The following POLR1A variants were observed in gnomAD, a reference collection of about 807,000 sequenced individuals.
POLR1A encodes the protein DNA-directed RNA polymerase I subunit RPA1.
A neutral mutation model predicts 205.3 loss-of-function variants in POLR1A; 84 were observed. That is an observed-to-expected ratio of 0.41 (90% CI 0.34 to 0.49). POLR1A has a LOEUF of 0.49. POLR1A is among the 20% of genes least tolerant of loss of function. The probability of loss-of-function intolerance (pLI) is 0.22; values close to 1 mark genes in which losing one functional copy is unlikely to be tolerated. For synonymous variants in POLR1A, 799 were observed against 863.7 expected (o/e 0.93, Z 1.31); for missense variants, 1,645 against 2,204.5 (o/e 0.75, Z 5.08).
rs1482253290 is a variant in POLR1A at position 86,088,649 on chromosome 2, C to A, written c.647G>T (p.Arg216Leu). ...PHCKTGRSVVRKEHNSKLTIT... is the reference protein window; with the variant it reads ...PHCKTGRSVVLKEHNSKLTIT... The stretch of plus-strand genomic sequence containing the variant: ...AGTCAACTTGCTGTTGTGTTCCTTT[C>A]GGACAACGGATCGCCCGGTCCTGTG... Residue 216 changes from arginine to leucine, a missense_variant, in exon 6 of 34, where the codon CGA becomes CTA. Around this residue, in one of 16 missense-constraint regions of POLR1A, gnomAD observed 330 missense variants for 375.6 expected, o/e 0.88. Coordinates refer to ENST00000263857, the MANE Select transcript of POLR1A (RefSeq NM_015425.6). 2 of 1,613,786 alleles carry A rather than the reference C, an allele frequency of 1.2e-6. No homozygotes were observed. The highest frequency in any genetic ancestry group is 2.7e-5 in the African/African-American group (2 of 74,914).
intron 6 of POLR1A, among the ~76,000 whole-genome samples, chr2:86,087,006 T>C (rs1397168098): frequency 1.3e-5 from 2 of 152,200 alleles, no homozygotes; most frequent in African/African-American, 4.8e-5. Context: ...TGTGGTATCC[T>C]GGGTTGGATC....
At chr2:86,082,946 C>T in intron 7 of POLR1A, 136 bp downstream of exon 7, 1 of 657,876 alleles carries the variant, frequency 1.5e-6, no homozygotes, top group Non-Finnish European at 2.7e-6. Context: ...CTGAAGACTG[C>T]CCCAAACCTC....
chr2:86,043,218 A>G, intron 22 of POLR1A, 23 bp from the exon 23 acceptor site: 1 of 1,572,582 alleles, frequency 6.4e-7, no homozygotes, highest in Non-Finnish European at 8.7e-7. Context: ...ACAAAAAAAC[A>G]AACAAACAAA....
Position 86,030,843 on chromosome 2 carries a change from C to T in POLR1A, c.4579-447G>A, listed in dbSNP as rs534852337. Among the ~76,000 whole-genome samples the T allele has an allele frequency of 1.3e-5, 2 of 152,192 alleles. 1 individual carries two copies. Among genetic ancestry groups the T allele is most frequent in the South Asian group, 4.1e-4 (2 of 4,836 alleles). ...CCAGATCATCCAGGCTTTAAGGGAA[C>T]CATGAAATCCCTAAAAAGATGGTGG... On this transcript the variant is annotated intron_variant, in intron 30 of 33. Transcript: ENST00000263857.
In POLR1A at chr2:86,028,643, G is replaced by A. The variant is rs181416565; in HGVS notation, c.4848C>T (p.Ala1616=). 3,543 of 1,614,182 alleles carry A rather than the reference G, an allele frequency of 2.2e-3. 109 individuals are homozygous for A. In the Admixed American group the frequency reaches 0.049, roughly 22 times the overall value. ...HAIANTYGIE[A]ALRVIEKEIK... Reference sequence around the variant, plus strand: ...TCTCCTTCTCGATCACCCGCAGCGCGGCCTCAATGCCATACGTGTTGGCTA... The same window carrying A: ...TCTCCTTCTCGATCACCCGCAGCGCAGCCTCAATGCCATACGTGTTGGCTA... The change falls in exon 32 of 34, where the codon GCC becomes GCT. Residue 1616 remains alanine (A), a synonymous_variant. Coordinates refer to ENST00000263857, the MANE Select transcript of POLR1A (RefSeq NM_015425.6). The surrounding 1 kb of genome is among the most constrained non-coding windows in gnomAD (Gnocchi z 4.5).
rs780731655 is a variant in POLR1A, at chr2:86,070,234, C to T, written c.1650G>A (p.Leu550=). 8 of 1,613,460 alleles carry T rather than the reference C, an allele frequency of 5.0e-6. No individual in the cohort carries two copies. The highest frequency in any genetic ancestry group is 5.9e-6 in the Non-Finnish European group (7 of 1,179,434). Residue 550 remains leucine, a synonymous_variant, in exon 13 of 34, where the codon CTG becomes CTA. Coordinates refer to ENST00000263857, the MANE Select transcript of POLR1A (RefSeq NM_015425.6). This position sits in a 1 kb window ranked among gnomAD's most constrained non-coding sequence, Gnocchi z 4.4. ...GTCTGTGCAGTGTGGGCTGTCGGTT[C>T]AGTAGCAGAATGTCCCCATTCTTCA... ...RHVKNGDILL[L]NRQPTLHRPS... is the part of the protein sequence containing the mutation.
intron 10 of POLR1A, 32 bp downstream of exon 10, chr2:86,078,082 A>G: frequency 1.2e-6 from 2 of 1,612,702 alleles, no homozygotes; most frequent in Non-Finnish European, 1.7e-6. Flanking sequence ...TATCTTCTGT[A>G]GCTAGCAATG....
At position 86,027,829 on chromosome 2, in the gene POLR1A, C is replaced by T. The variant is rs891410337; in HGVS notation, c.5062+56G>A. On this transcript the variant is annotated intron_variant, in intron 33 of 33. Coordinates refer to ENST00000263857, the MANE Select transcript of POLR1A (RefSeq NM_015425.6). ...ATGGAAAGATGCCCATGGGTGAGCC[C>T]GTGTGCCCAGAGTCGTCAGTAGAGG... The T allele has an allele frequency of 1.1e-5, 18 of 1,581,176 alleles. 1 individual carries two copies. Among genetic ancestry groups the T allele is most frequent in the Middle Eastern group, 1.8e-4 (1 of 5,502 alleles).
At chr2:86,067,411 G>A (rs1673100355) in intron 13 of POLR1A, among the ~76,000 whole-genome samples, 7 of 152,060 alleles carry the variant, frequency 4.6e-5, no homozygotes. Flanking sequence ...TTTCCACAAA[G>A]TATGGGCCCT....
In POLR1A at chr2:86,078,106, T is replaced by C; in HGVS notation, c.1257+8A>G. ...TAGCTAGCAATGGGAATCCAGTTTT[T>C]TGCTCACCTGCCTAATGCCTGGGTA... On this transcript the variant is annotated splice_region_variant and intron_variant, in intron 10 of 33. Transcript: ENST00000263857. 6.2e-7 allele frequency: 1 copy of C among 1,613,132 alleles called. No homozygotes were observed. The highest frequency in any genetic ancestry group is 2.2e-5 in the East Asian group (1 of 44,888).
chr2:86,076,944 G>A (rs1673296228), intron 11 of POLR1A, among the ~76,000 whole-genome samples: 1 of 152,204 alleles, frequency 6.6e-6, no homozygotes, highest in African/African-American at 2.4e-5. Context: ...CAAGGACTAT[G>A]GTTCCCAAGA....
chr2:86,071,273 G>C (rs1021700649), intron 12 of POLR1A, among the ~76,000 whole-genome samples: 15 of 150,732 alleles, frequency 1.0e-4, no homozygotes, highest in Non-Finnish European at 1.8e-4. Context: ...TATGGGAAAG[G>C]GGTGGTTGGA....
intron 13 of POLR1A, among the ~76,000 whole-genome samples, chr2:86,066,392 T>C (rs1034060288): frequency 4.6e-5 from 7 of 152,222 alleles, no homozygotes; most frequent in Admixed American, 1.3e-4. Context: ...TTAATTTCAT[T>C]TGACACTTTC....
intron 13 of POLR1A, chr2:86,065,699 A>C (rs1375153249): frequency 2.0e-6 from 1 of 510,330 alleles, no homozygotes; most frequent in East Asian, 3.3e-5. Flanking sequence ...TCCTATATCA[A>C]GACTGCTTCA....
chr2:86,042,906 C>A, intron 23 of POLR1A, 68 bp downstream of exon 23: 1 of 1,126,002 alleles, frequency 8.9e-7, no homozygotes. Flanking sequence ...GAAAACAGCC[C>A]CTCATCCCTC....
chr2:86,077,888 T>A lies in POLR1A; in HGVS notation c.1351A>T (p.Ile451Phe), dbSNP rs780550096. 3 of 1,613,470 alleles carry A rather than the reference T, an allele frequency of 1.9e-6. No homozygotes were observed. The Admixed American group carries it at 5.0e-5, about 27-fold the overall frequency. ...GGAATTCCAATTTCGTTGGTGTTGA[T>A]GTACATGTCTGGGCAGATGACTGAG... ...ARSVICPDMYINTNEIGIPMV... is the reference protein window; with the variant it reads ...ARSVICPDMYFNTNEIGIPMV... The change falls in exon 11 of 34, where the codon ATC (isoleucine) becomes TTC (phenylalanine). Residue 451 changes from isoleucine (I) to phenylalanine (F), a missense_variant. Transcript: ENST00000263857.
intron 13 of POLR1A, among the ~76,000 whole-genome samples, chr2:86,066,850 T>C (rs150245662): frequency 1.5e-4 from 23 of 152,362 alleles, no homozygotes; most frequent in African/African-American, 5.3e-4. Context: ...GCCCCTCTTA[T>C]GAAGGCTTTC....
chr2:86,077,362 A>C (rs1337539271), intron 11 of POLR1A, among the ~76,000 whole-genome samples: 1 of 152,162 alleles, frequency 6.6e-6, no homozygotes, highest in African/African-American at 2.4e-5. Context: ...GGACCTGGGC[A>C]ACATGCACAC....
Position 86,077,125 on chromosome 2 carries a change from G to A in POLR1A, c.1380+734C>T, listed in dbSNP as rs545142151. ...CAGTCCCCAGAGAGGGGTGGAGGGG[G>A]TGGCGTGCAAGGAAATGAGGCTCTC... On this transcript the variant is annotated intron_variant, in intron 11 of 33. Coordinates refer to ENST00000263857, the MANE Select transcript of POLR1A (RefSeq NM_015425.6). Among the ~76,000 whole-genome samples, 3 of 152,324 alleles carry A rather than the reference G, an allele frequency of 2.0e-5. No homozygotes were observed. In the East Asian group the frequency reaches 5.8e-4, roughly 29 times the overall value.
Sources: allele counts gnomAD v4.1 joint callset (sites outside exome capture counted in the v4.1 genomes callset), GRCh38; gene constraint gnomAD v4.1.1; regional missense constraint gnomAD v4.1.1; non-coding constraint Gnocchi (gnomAD v3.1); transcripts MANE v1.5; gene names NCBI Gene and HGNC (gene_info 2026-07-23, HGNC 2026-07-21).